The following STARD13 variants were observed in gnomAD, a reference collection of about 807,000 sequenced individuals.
The protein encoded by STARD13 is stAR-related lipid transfer protein 13.
In STARD13, 62 loss-of-function variants were observed where a neutral mutation model predicts 106.4. That is an observed-to-expected ratio of 0.58 (90% CI 0.48 to 0.72). The LOEUF (loss-of-function observed/expected upper bound fraction) is 0.72. Ranked by LOEUF, STARD13 falls within the 30% of genes least tolerant of loss-of-function variation. The probability of loss-of-function intolerance (pLI) is 0.00; values close to 1 mark genes in which losing one functional copy is unlikely to be tolerated. For synonymous variants in STARD13, 565 were observed against 553.0 expected (o/e 1.02, Z -0.31); for missense variants, 1,387 against 1,424.0 (o/e 0.97, Z 0.42).
chr13:33,224,423 T>C (rs1888513785), intron 1 of STARD13, among the ~76,000 whole-genome samples: 1 of 152,170 alleles, frequency 6.6e-6, no homozygotes, highest in Non-Finnish European at 1.5e-5. Flanking sequence ...ACAACACAAG[T>C]GTACTTATCA....
At chr13:33,660,522 G>C in the STARD13 span, among the ~76,000 whole-genome samples, 3 of 152,142 alleles carry the variant, frequency 2.0e-5, no homozygotes, top group Non-Finnish European at 4.4e-5. Flanking sequence ...AACATTTGGG[G>C]GTGGTTCTCT....
At chr13:33,592,943 C>T in the STARD13 span, among the ~76,000 whole-genome samples, 3 of 152,012 alleles carry the variant, frequency 2.0e-5, no homozygotes, top group Non-Finnish European at 4.4e-5. Context: ...TTGGGGACAT[C>T]AGAGCTCAAC....
exon 1 of STARD13, chr13:33,350,422 C>T: frequency 6.5e-7 from 1 of 1,530,966 alleles, no homozygotes; most frequent in South Asian, 1.2e-5. Flanking sequence ...ATTTTAGATC[C>T]GTCCTCATAA....
At position 33,276,054 on chromosome 13, in the gene STARD13, A is replaced by G. The variant is rs1055897694; in HGVS notation, c.169+9416T>C. On this transcript the variant is annotated intron_variant, in intron 1 of 13. Coordinates refer to ENST00000336934, the MANE Select transcript of STARD13 (RefSeq NM_178006.4). ...AGACTGATTTCCCTTCTTCTTGCCAAGATTTTTTCCTCCTTCTTCTAGGAA... is the reference window on the plus strand; with the variant it reads ...AGACTGATTTCCCTTCTTCTTGCCAGGATTTTTTCCTCCTTCTTCTAGGAA... The G allele has an allele frequency of 3.9e-5, 6 of 152,216 alleles. No homozygotes were observed. In the East Asian group the frequency reaches 1.2e-3, roughly 29 times the overall value. The allele number at this position is 152,216 out of a possible 1,614,324, so 9.4% of individuals were successfully genotyped here.
At chr13:33,502,380 T>G in the STARD13 span, among the ~76,000 whole-genome samples, 1 of 152,226 alleles carries the variant, frequency 6.6e-6, no homozygotes, top group Non-Finnish European at 1.5e-5. Context: ...ATTTATTTCT[T>G]TCTTCTGCCT....
the STARD13 span, among the ~76,000 whole-genome samples, chr13:33,553,689 C>T: frequency 0.029 from 4,393 of 151,200 alleles, 96 homozygotes; most frequent in Non-Finnish European, 0.045. Context: ...AAGTGATTCT[C>T]CTGCCTCAGC....
At chr13:33,239,123 T>A (rs1889341038) in intron 1 of STARD13, among the ~76,000 whole-genome samples, 1 of 152,110 alleles carries the variant, frequency 6.6e-6, no homozygotes, top group Admixed American at 6.5e-5. Context: ...TGGAATCATG[T>A]CGAATTTGTC....
chr13:33,367,069 T>C, the STARD13 span, among the ~76,000 whole-genome samples: 10 of 152,316 alleles, frequency 6.6e-5, no homozygotes, highest in East Asian at 1.9e-3. Flanking sequence ...AAAATCAGTA[T>C]ATAGCCAAGT....
chr13:33,348,954 C>T (rs2078043370), exon 2 of STARD13: 1 of 580,612 alleles, frequency 1.7e-6, no homozygotes. Flanking sequence ...TAGTGACCTT[C>T]TCTCAAGGTG....
At chr13:33,350,946 TACAACA>T (rs10571634), upstream of STARD13, among the ~76,000 whole-genome samples, 12 of 151,836 alleles carry the variant, frequency 7.9e-5, no homozygotes, top group African/African-American at 2.4e-4. Context: ...CCTTCACAAC[TACAACA>T]ACAACAACAA....
intron 1 of STARD13, among the ~76,000 whole-genome samples, chr13:33,329,857 C>T (rs973471298): frequency 2.6e-5 from 4 of 152,034 alleles, no homozygotes; most frequent in African/African-American, 9.7e-5. Flanking sequence ...GTGCCTGCCA[C>T]CATGCCTGGC....
At chr13:33,135,058 T>C (rs1283454186) in intron 4 of STARD13, among the ~76,000 whole-genome samples, 2 of 152,200 alleles carry the variant, frequency 1.3e-5, no homozygotes, top group Non-Finnish European at 2.9e-5. Context: ...GAACAATGGG[T>C]TCTTTCTAAG....
At chr13:33,113,064 G>T in intron 8 of STARD13, 133 bp from the exon 9 acceptor site, 1 of 619,336 alleles carries the variant, frequency 1.6e-6, no homozygotes, top group Non-Finnish European at 2.7e-6. Flanking sequence ...AACCAGAACA[G>T]CAGGAAAGGC....
At chr13:33,196,626 TGA>T (rs1303875399) in intron 1 of STARD13, among the ~76,000 whole-genome samples, 2 of 152,160 alleles carry the variant, frequency 1.3e-5, no homozygotes, top group Non-Finnish European at 2.9e-5. Flanking sequence ...TGGACTCGAT[TGA>T]GAGACTGTGA....
the STARD13 span, among the ~76,000 whole-genome samples, chr13:33,528,260 A>ATATATATATATATATATATATATATG: frequency 2.4e-5 from 3 of 127,244 alleles, no homozygotes; most frequent in African/African-American, 1.1e-4. Flanking sequence ...ATATATACAT[A>ATATATATATATATATATATATATATG]TATATATATA....
chr13:33,185,789 C>G, intron 1 of STARD13: 1 of 1,305,548 alleles, frequency 7.7e-7, no homozygotes. Flanking sequence ...GACCACCTGA[C>G]CACTGCCACT....
chr13:33,142,733 G>A (rs115201513), intron 3 of STARD13, among the ~76,000 whole-genome samples: 5,636 of 152,166 alleles, frequency 0.037, 365 homozygotes, highest in African/African-American at 0.13. Context: ...AGTCTATCCC[G>A]TTAACCTCTA....
At chr13:33,454,486 T>G in the STARD13 span, among the ~76,000 whole-genome samples, 3 of 152,354 alleles carry the variant, frequency 2.0e-5, no homozygotes, top group Admixed American at 1.3e-4. Context: ...TTAGTTTTGC[T>G]TTATCACCAT....
the STARD13 span, among the ~76,000 whole-genome samples, chr13:33,476,178 T>A: frequency 6.6e-6 from 1 of 152,268 alleles, no homozygotes; most frequent in Non-Finnish European, 1.5e-5. Context: ...TTCCCTCAAA[T>A]TACTTTAATT....
Sources: allele counts gnomAD v4.1 joint callset (sites outside exome capture counted in the v4.1 genomes callset), GRCh38; gene constraint gnomAD v4.1.1; transcripts MANE v1.5; gene names NCBI Gene and HGNC (gene_info 2026-07-23, HGNC 2026-07-21).